RSPH6A: variants seen among roughly 807,000 people sequenced by gnomAD.
The protein encoded by RSPH6A is radial spoke head 6 homolog A, also known as radial spoke head protein 6 homolog A.
Under a neutral mutation model 66.1 loss-of-function variants are expected in RSPH6A, and 49 were observed. That is an observed-to-expected ratio of 0.74 (90% CI 0.59 to 0.94). The LOEUF (loss-of-function observed/expected upper bound fraction) is 0.94, where lower values mean the gene tolerates loss of function less well. RSPH6A is among the 40% of genes least tolerant of loss of function. RSPH6A has a pLI of 0.00. For synonymous variants in RSPH6A, 419 were observed against 402.4 expected (o/e 1.04, Z -0.49); for missense variants, 977 against 948.3 (o/e 1.03, Z -0.40).
intron 2 of RSPH6A, among the ~76,000 whole-genome samples, chr19:45,809,745 A>C (rs970529592): frequency 6.6e-6 from 1 of 151,946 alleles, no homozygotes; most frequent in Non-Finnish European, 1.5e-5. Flanking sequence ...GGGAGCAGAG[A>C]CTCCTGCAGG....
rs151169289 is a variant in RSPH6A, at chr19:45,804,465, G to A, written c.1440C>T (p.Tyr480=). 2.0e-4 allele frequency: 321 copies of A among 1,613,994 alleles called. No individual in the cohort carries two copies. Among genetic ancestry groups the A allele is most frequent in the Non-Finnish European group, 2.6e-4 (306 of 1,179,968 alleles). ...AGATGCGGGCTATCTGGGCCCGCAG[G>A]TAGTTGGCCTCGTTGCCCGGGAAGG... ...YPPFPGNEAN[Y]LRAQIARISA... Residue 480 remains tyrosine, a synonymous_variant, in exon 3 of 6, where the codon TAC becomes TAT. Transcript: ENST00000221538. The surrounding 1 kb of genome is among the most constrained non-coding windows in gnomAD (Gnocchi z 5.8).
chr19:45,804,667 A>T lies in RSPH6A; in HGVS notation c.1238T>A (p.Val413Glu). 22 of 1,613,956 alleles carry T rather than the reference A, an allele frequency of 1.4e-5. No individual in the cohort carries two copies. The highest frequency in any genetic ancestry group is 1.8e-5 in the Non-Finnish European group (21 of 1,179,998). Residue 413 changes from valine to glutamate, a missense_variant, in exon 3 of 6, where the codon GTG (valine) becomes GAG (glutamate). By Grantham distance (121) the Val-to-Glu change is moderately radical (BLOSUM62 -2). Transcript: ENST00000221538. The surrounding 1 kb of genome is among the most constrained non-coding windows in gnomAD (Gnocchi z 5.8). ...VPKSVWKPPP[V>E]IPKEESRSGA... ...TGAGCGGCTCTCCTCCTTGGGGATC[A>T]CGGGCGGCGGCTTCCATACGGACTT...
In RSPH6A at chr19:45,804,633, G is replaced by C. The variant is rs757295240; in HGVS notation, c.1272C>G (p.Asn424Lys). The C allele has an allele frequency of 1.2e-6, 2 of 1,614,154 alleles. No individual in the cohort carries two copies. The highest frequency in any genetic ancestry group is 8.5e-7 in the Non-Finnish European group (1 of 1,180,024). The change falls in exon 3 of 6, where the codon AAC (asparagine) becomes AAG (lysine). Residue 424 changes from asparagine (N) to lysine (K), a missense_variant. By Grantham distance (94) the Asn-to-Lys change is moderately conservative (BLOSUM62 0). Transcript: ENST00000221538. This position sits in a 1 kb window ranked among gnomAD's most constrained non-coding sequence, Gnocchi z 5.8. Reference protein sequence around the residue: ...IPKEESRSGANKYLYFVCNEP... With the variant: ...IPKEESRSGAKKYLYFVCNEP... ...CGTTGCACACAAAGTACAGGTACTT[G>C]TTGGCGCCTGAGCGGCTCTCCTCCT...
At chr19:45,814,460 A>C in intron 1 of RSPH6A, 67 bp downstream of exon 1, 1 of 1,396,464 alleles carries the variant, frequency 7.2e-7, no homozygotes. Flanking sequence ...TGACTGAGGC[A>C]GGCACTTCGG....
chr19:45,807,464 C>T (rs980972597), intron 2 of RSPH6A, among the ~76,000 whole-genome samples: 1 of 151,748 alleles, frequency 6.6e-6, no homozygotes, highest in South Asian at 2.1e-4. Flanking sequence ...ATCCACCCAC[C>T]TTGGCCTCCC....
rs538988688 is a variant in RSPH6A, at chr19:45,812,635, G to A, written c.651-1795C>T. On this transcript the variant is annotated intron_variant, in intron 1 of 5. Coordinates refer to ENST00000221538, the MANE Select transcript of RSPH6A (RefSeq NM_030785.4). ...CTAGATTCTAGGATCCGAGGAAGGA[G>A]CAGGTAGTGACTAGAAATCAAGTTT... 1.8e-4 allele frequency among the ~76,000 whole-genome samples: 28 copies of A among 152,216 alleles called. 1 individual carries two copies. Among genetic ancestry groups the A allele is most frequent in the South Asian group, 1.0e-3 (5 of 4,806 alleles).
At chr19:45,810,271 T>C (rs1444528992) in intron 2 of RSPH6A, among the ~76,000 whole-genome samples, 1 of 151,834 alleles carries the variant, frequency 6.6e-6, no homozygotes, top group Non-Finnish European at 1.5e-5. Flanking sequence ...CCTGGGTTCA[T>C]GCCATTCTCC....
chr19:45,804,942 G>T lies in RSPH6A; in HGVS notation c.963C>A (p.Asp321Glu), dbSNP rs114127736. ...TGGCCAGGAAAATGCGGAAGCTCTC[G>T]TCCGAGCTCAGGCCGACGCCGGCCT... ...FEQAGVGLSSDESFRIFLAMK... is the reference protein window; with the variant it reads ...FEQAGVGLSSEESFRIFLAMK... Residue 321 changes from aspartate (D) to glutamate (E), a missense_variant, in exon 3 of 6, where the codon GAC becomes GAA. Coordinates refer to ENST00000221538, the MANE Select transcript of RSPH6A (RefSeq NM_030785.4). The surrounding 1 kb of genome is among the most constrained non-coding windows in gnomAD (Gnocchi z 5.8). The T allele has an allele frequency of 6.2e-7, 1 of 1,614,172 alleles. No homozygotes were observed. The highest frequency in any genetic ancestry group is 8.5e-7 in the Non-Finnish European group (1 of 1,180,038).
intron 3 of RSPH6A, among the ~76,000 whole-genome samples, chr19:45,802,750 A>G (rs986417012): frequency 6.8e-6 from 1 of 146,142 alleles, no homozygotes; most frequent in Non-Finnish European, 1.5e-5. Context: ...CAAATGATCC[A>G]CCCGCCTTGG....
chr19:45,800,510 G>T lies in RSPH6A; in HGVS notation c.1852C>A (p.Gln618Lys). 6.2e-7 allele frequency: 1 copy of T among 1,613,578 alleles called. No homozygotes were observed. Among genetic ancestry groups the T allele is most frequent in the Non-Finnish European group, 8.5e-7 (1 of 1,179,928 alleles). ...GAGCGCACAACGGCCACTGAGTACT[G>T]CGGGCAGAGGCTGCAGGACAGGCGG... ...TTRLSCSLCP[Q>K]YSVAVVRSNL... The change falls in exon 5 of 6, where the codon CAG (glutamine) becomes AAG (lysine). Residue 618 changes from glutamine (Q) to lysine (K), a missense_variant. By Grantham distance (53) the Gln-to-Lys change is moderately conservative (BLOSUM62 1). Coordinates refer to ENST00000221538, the MANE Select transcript of RSPH6A (RefSeq NM_030785.4).
intron 2 of RSPH6A, among the ~76,000 whole-genome samples, chr19:45,809,376 C>G (rs1214882531): frequency 6.7e-6 from 1 of 148,964 alleles, no homozygotes; most frequent in Non-Finnish European, 1.5e-5. Context: ...GCGACCTCCC[C>G]TCACTGCAAT....
intron 2 of RSPH6A, among the ~76,000 whole-genome samples, chr19:45,810,206 G>A (rs1970604857): frequency 6.7e-6 from 1 of 149,590 alleles, no homozygotes; most frequent in South Asian, 2.1e-4. Flanking sequence ...GTCTCGCTCT[G>A]TTGCCCAGGC....
At chr19:45,802,326 G>A (rs149555741) in intron 3 of RSPH6A, 62 bp from the exon 4 acceptor site, 2 of 1,293,062 alleles carry the variant, frequency 1.5e-6, no homozygotes, top group Non-Finnish European at 2.0e-6. Flanking sequence ...TGCCTCCTGT[G>A]GGGGAGGTGA....
At chr19:45,803,946 TC>T (rs1427449693) in intron 3 of RSPH6A, among the ~76,000 whole-genome samples, 1 of 140,248 alleles carries the variant, frequency 7.1e-6, no homozygotes, top group African/African-American at 2.7e-5. Context: ...TGAGCCGAGA[TC>T]GTACCACTGC....
intron 1 of RSPH6A, 46 bp from the exon 2 acceptor site, chr19:45,810,886 A>T: frequency 6.6e-7 from 1 of 1,507,640 alleles, no homozygotes; most frequent in South Asian, 1.2e-5. Context: ...TCACTCACTC[A>T]GCTCACTGAG....
intron 2 of RSPH6A, 33 bp downstream of exon 2, chr19:45,810,570 C>T: frequency 6.2e-7 from 1 of 1,600,448 alleles, no homozygotes; most frequent in East Asian, 2.2e-5. Context: ...CCCACTGACC[C>T]TGATGCCCAC....
chr19:45,812,657 G>A (rs1035888606), intron 1 of RSPH6A, among the ~76,000 whole-genome samples: 3 of 152,034 alleles, frequency 2.0e-5, no homozygotes, highest in Middle Eastern at 3.2e-3. Context: ...TAGAAATCAA[G>A]TTTGGTCAGC....
Position 45,805,013 on chromosome 19 carries a change from C to T in RSPH6A, c.892G>A (p.Glu298Lys), listed in dbSNP as rs762823067. 5.0e-6 allele frequency: 8 copies of T among 1,607,082 alleles called. No individual in the cohort carries two copies. The highest frequency in any genetic ancestry group is 6.8e-6 in the Non-Finnish European group (8 of 1,178,682). The change falls in exon 3 of 6, where the codon GAG (glutamate) becomes AAG (lysine). Residue 298 changes from glutamate to lysine, a missense_variant. Transcript: ENST00000221538. ...TCCATGATGTTGGGCACTGGTGTCTCCCCCTGCGCAGGGTAGGGTGGAGGG... is the reference window on the plus strand; with the variant it reads ...TCCATGATGTTGGGCACTGGTGTCTTCCCCTGCGCAGGGTAGGGTGGAGGG... ...GEQEMEEEVGETPVPNIMETA... is the reference protein window; with the variant it reads ...GEQEMEEEVGKTPVPNIMETA...
At chr19:45,798,577 G>A (rs1348819195) in intron 5 of RSPH6A, among the ~76,000 whole-genome samples, 1 of 143,200 alleles carries the variant, frequency 7.0e-6, no homozygotes, top group East Asian at 2.1e-4. Context: ...GGTGGCTCAC[G>A]CCTGTAATCC....
Sources: allele counts gnomAD v4.1 joint callset (sites outside exome capture counted in the v4.1 genomes callset), GRCh38; gene constraint gnomAD v4.1.1; non-coding constraint Gnocchi (gnomAD v3.1); transcripts MANE v1.5; gene names NCBI Gene and HGNC (gene_info 2026-07-23, HGNC 2026-07-21).